Variants in CD96 observed in about 807,000 individuals in gnomAD.
CD96 encodes the protein T-cell surface protein tactile.
A neutral mutation model predicts 71.3 loss-of-function variants in CD96; 70 were observed. The ratio of observed to expected loss-of-function variants is 0.98; its 90% CI spans 0.81 to 1.20. The LOEUF (loss-of-function observed/expected upper bound fraction) is 1.20. Among genes scored for constraint, CD96 ranks in the 50% most tolerant of loss-of-function variants. The probability of loss-of-function intolerance (pLI) is 0.00; values close to 1 mark genes in which losing one functional copy is unlikely to be tolerated. For missense variants in CD96, 742 were observed against 677.5 expected (o/e 1.10, Z -1.06); for synonymous variants, 248 against 233.0 (o/e 1.06, Z -0.59).
At chr3:111,647,301 A>G (rs1275001814) in intron 12 of CD96, among the ~76,000 whole-genome samples, 1 of 152,248 alleles carries the variant, frequency 6.6e-6, no homozygotes, top group Non-Finnish European at 1.5e-5. Flanking sequence ...TAAAAAGGGT[A>G]TATATTCATG....
At chr3:111,630,286 G>A (rs905482603) in intron 10 of CD96, among the ~76,000 whole-genome samples, 51 of 152,008 alleles carry the variant, frequency 3.4e-4, no homozygotes, top group African/African-American at 1.2e-3. Context: ...AAGAAGAAAA[G>A]CGAGAAGAAT....
chr3:111,599,974 G>GC (rs1315521816), intron 6 of CD96, among the ~76,000 whole-genome samples: 9 of 152,230 alleles, frequency 5.9e-5, no homozygotes, highest in African/African-American at 2.2e-4. Context: ...ATTTTCTGCT[G>GC]CCAAGTATGC....
chr3:111,584,293 G>A (rs976805977), intron 4 of CD96, among the ~76,000 whole-genome samples: 1 of 152,094 alleles, frequency 6.6e-6, no homozygotes, highest in Non-Finnish European at 1.5e-5. Flanking sequence ...ATCACCATCA[G>A]CATTTTTGTC....
At chr3:111,580,302 C>G (rs961327265) in intron 4 of CD96, among the ~76,000 whole-genome samples, 1 of 152,162 alleles carries the variant, frequency 6.6e-6, no homozygotes, top group Non-Finnish European at 1.5e-5. Context: ...ATTCTATTTT[C>G]CCCAGTGGTA....
At chr3:111,612,539 C>A (rs746584900) in intron 8 of CD96, among the ~76,000 whole-genome samples, 1 of 152,192 alleles carries the variant, frequency 6.6e-6, no homozygotes, top group Non-Finnish European at 1.5e-5. Context: ...ATCCTCCCAA[C>A]AACACAATTA....
At chr3:111,543,165 T>A (rs1338038019) in intron 1 of CD96, among the ~76,000 whole-genome samples, 2 of 152,216 alleles carry the variant, frequency 1.3e-5, no homozygotes, top group African/African-American at 4.8e-5. Flanking sequence ...CAAGTACTTT[T>A]ACTTTTAAGA....
At position 111,580,175 on chromosome 3, in the gene CD96, G is replaced by A. The variant is rs373246709; in HGVS notation, c.751+941G>A. Among the ~76,000 whole-genome samples, 84 of 152,332 alleles carry A rather than the reference G, an allele frequency of 5.5e-4. 1 individual carries two copies. In the East Asian group the frequency reaches 0.012, roughly 22 times the overall value. On this transcript the variant is annotated intron_variant, in intron 4 of 13. Transcript: ENST00000352690. Reference sequence around the variant, plus strand: ...GCCCTTCCAGCAAAGGAGCCTTTAGGAAAGGCCCTCTGAACCTGCACTCTC... The same window carrying A: ...GCCCTTCCAGCAAAGGAGCCTTTAGAAAAGGCCCTCTGAACCTGCACTCTC...
intron 3 of CD96, chr3:111,570,868 C>T (rs1935947861): frequency 1.9e-6 from 3 of 1,608,904 alleles, no homozygotes; most frequent in Non-Finnish European, 1.7e-6. Flanking sequence ...CCTGACCGCT[C>T]TTCCAAGGTG....
rs767608523 is a variant in CD96 at position 111,647,602 on chromosome 3, C to T, written c.1537C>T (p.Leu513Phe). 3.1e-6 allele frequency: 5 copies of T among 1,610,206 alleles called. No homozygotes were observed. Among genetic ancestry groups the T allele is most frequent in the Non-Finnish European group, 2.5e-6 (3 of 1,176,674 alleles). Residue 513 changes from leucine to phenylalanine, a missense_variant, in exon 13 of 14, where the codon CTC (leucine) becomes TTC (phenylalanine). By Grantham distance (22) the Leu-to-Phe change is conservative. Coordinates refer to ENST00000352690, the MANE Select transcript of CD96 (RefSeq NM_005816.5). ...MSWPVIVAAL[L>F]FCCMILFGLG... is the part of the protein sequence containing the mutation. ...CTGGCCAGTGATTGTAGCAGCTTTA[C>T]TCTTTTGCTGCATGATATTGTTTGG... is the stretch of plus-strand genomic sequence containing the variant.
chr3:111,646,134 T>A (rs906433872), intron 12 of CD96, among the ~76,000 whole-genome samples: 10 of 152,090 alleles, frequency 6.6e-5, no homozygotes, highest in Admixed American at 4.6e-4. Flanking sequence ...ATCCATGTAA[T>A]CGAAATACCT....
rs1463719086 is a variant in CD96, at chr3:111,651,463, G to A, written c.*1657G>A. On this transcript the variant is annotated 3_prime_UTR_variant, in exon 14 of 14. Coordinates refer to ENST00000352690, the MANE Select transcript of CD96 (RefSeq NM_005816.5). ...ACCATTGGTATAGCCAAAAAAGCTT[G>A]GAAGTGACCAAGGCTAGGTCACAAA... The A allele has an allele frequency of 1.3e-5, 2 of 152,200 alleles. No homozygotes were observed. Among genetic ancestry groups the A allele is most frequent in the African/African-American group, 2.4e-5 (1 of 41,428 alleles). The allele number at this position is 152,200 out of a possible 1,614,324, so 9.4% of individuals were successfully genotyped here.
chr3:111,599,736 T>C (rs1937411316), intron 6 of CD96, among the ~76,000 whole-genome samples: 2 of 151,752 alleles, frequency 1.3e-5, no homozygotes, highest in South Asian at 4.2e-4. Flanking sequence ...AAAAAAAAAG[T>C]TATTATAAAT....
intron 13 of CD96, among the ~76,000 whole-genome samples, chr3:111,648,672 C>T (rs6801876): frequency 0.26 from 39,433 of 151,992 alleles, 6,055 homozygotes; most frequent in African/African-American, 0.44. Flanking sequence ...AAAATCTGAA[C>T]TGATTTTTTA....
At chr3:111,617,648 T>C (rs1938309971) in intron 8 of CD96, among the ~76,000 whole-genome samples, 1 of 152,172 alleles carries the variant, frequency 6.6e-6, no homozygotes, top group South Asian at 2.1e-4. Context: ...ACTTCAGGTC[T>C]CCTGAGAGCT....
At chr3:111,626,686 A>G (rs899049681) in intron 10 of CD96, among the ~76,000 whole-genome samples, 5 of 152,244 alleles carry the variant, frequency 3.3e-5, no homozygotes, top group Non-Finnish European at 7.3e-5. Flanking sequence ...CTAAATGGCC[A>G]TAGTCAGGAG....
chr3:111,650,085 A>C lies in CD96; in HGVS notation c.*279A>C. 1 of 416,754 alleles carries C rather than the reference A, an allele frequency of 2.4e-6. No homozygotes were observed. Among genetic ancestry groups the C allele is most frequent in the Non-Finnish European group, 4.5e-6 (1 of 221,716 alleles). The allele number at this position is 416,754 out of a possible 1,614,324, so 25.8% of individuals were successfully genotyped here. ...AGTACATATTAGTCTGCCATCTTTA[A>C]AAAAAAATACAGTATTTTCATTTAA... On this transcript the variant is annotated 3_prime_UTR_variant, in exon 14 of 14. Transcript: ENST00000352690.
downstream of CD96, among the ~76,000 whole-genome samples, chr3:111,655,008 C>G (rs1305887699): frequency 6.6e-6 from 1 of 152,194 alleles, no homozygotes; most frequent in Non-Finnish European, 1.5e-5. Flanking sequence ...GCTTAAATAT[C>G]TGTTAAGGCT....
chr3:111,542,247 C>G lies in CD96; in HGVS notation c.-2C>G, dbSNP rs147005467. 8 of 1,612,298 alleles carry G rather than the reference C, an allele frequency of 5.0e-6. No individual in the cohort carries two copies. In the African/African-American group the frequency reaches 8.0e-5, roughly 16 times the overall value. On this transcript the variant is annotated 5_prime_UTR_variant, in exon 1 of 14. Transcript: ENST00000352690. Reference sequence around the variant, plus strand: ...ATGCTGGTGTAAGGTGTTCAGAAGACAATGGAGAAAAAATGGAAATACTGT... The same window carrying G: ...ATGCTGGTGTAAGGTGTTCAGAAGAGAATGGAGAAAAAATGGAAATACTGT...
At chr3:111,578,941 A>T (rs1303508230) in intron 3 of CD96, 86 bp from the exon 4 acceptor site, 1 of 778,714 alleles carries the variant, frequency 1.3e-6, no homozygotes, top group Non-Finnish European at 2.4e-6. Flanking sequence ...CTTTACAAAA[A>T]GTAAATGAAT....
Sources: allele counts gnomAD v4.1 joint callset (sites outside exome capture counted in the v4.1 genomes callset), GRCh38; gene constraint gnomAD v4.1.1; transcripts MANE v1.5; gene names NCBI Gene and HGNC (gene_info 2026-07-23, HGNC 2026-07-21).